NOMO1: variants seen among roughly 807,000 people sequenced by gnomAD.
The protein encoded by NOMO1 is NODAL modulator 1.
Under a neutral mutation model 133.8 loss-of-function variants are expected in NOMO1, and 40 were observed. The ratio of observed to expected loss-of-function variants is 0.30; its 90% CI spans 0.23 to 0.39. The LOEUF is 0.39. Ranked by LOEUF, NOMO1 falls within the 10% of genes least tolerant of loss-of-function variation. The pLI is 1.00. For missense variants in NOMO1, 462 were observed against 1,419.9 expected, an observed-to-expected ratio of 0.33 and a Z score of 10.84; for synonymous variants, 236 against 570.5, an observed-to-expected ratio of 0.41 and a Z score of 8.36.
chr16:14,859,592 A>G (rs1375431626), intron 11 of NOMO1, among the ~76,000 whole-genome samples: 1 of 152,018 alleles, frequency 6.6e-6, no homozygotes, highest in African/African-American at 2.4e-5. Flanking sequence ...AGGTGGGCGG[A>G]TCGATTGAGC....
At chr16:14,880,673 C>T (rs1292070969) in intron 24 of NOMO1, among the ~76,000 whole-genome samples, 2 of 152,074 alleles carry the variant, frequency 1.3e-5, no homozygotes, top group East Asian at 1.9e-4. Context: ...TGAGCCACCG[C>T]GCCTGGCCAC....
At chr16:14,873,788 T>C (rs1199030971) in intron 18 of NOMO1, among the ~76,000 whole-genome samples, 4 of 151,818 alleles carry the variant, frequency 2.6e-5, no homozygotes, top group African/African-American at 9.7e-5. Flanking sequence ...GCCACTCGGA[T>C]TCCCCCTGGG....
intron 27 of NOMO1, 107 bp from the exon 28 acceptor site, chr16:14,886,654 G>T: frequency 6.3e-7 from 1 of 1,590,110 alleles, no homozygotes; most frequent in Non-Finnish European, 8.6e-7. Context: ...AAATATCCAT[G>T]TTTCCAAAGA....
At chr16:14,864,145 CTTA>C (rs1567542185) in intron 12 of NOMO1, among the ~76,000 whole-genome samples, 2 of 136,712 alleles carry the variant, frequency 1.5e-5, no homozygotes, top group African/African-American at 5.9e-5. Context: ...TGTTCCTCTT[CTTA>C]GCCCATGAAA....
intron 5 of NOMO1, 74 bp downstream of exon 5, chr16:14,846,757 G>C (rs1056096030): frequency 6.7e-7 from 1 of 1,483,052 alleles, no homozygotes; most frequent in Non-Finnish European, 9.3e-7. Flanking sequence ...GGGTTTGGGA[G>C]TTTGGATTCA....
In NOMO1 at chr16:14,843,138, C is replaced by T. The variant is rs1187391496; in HGVS notation, c.302-1536C>T. ...TCATCATGTTGACCCAGGCTGGTCT[C>T]GAACTCCTGACCTCAAGTGATCTGC... is the stretch of plus-strand genomic sequence containing the variant. On this transcript the variant is annotated intron_variant, in intron 3 of 30. Coordinates refer to ENST00000287667, the MANE Select transcript of NOMO1 (RefSeq NM_014287.4). 2.8e-3 allele frequency among the ~76,000 whole-genome samples: 371 copies of T among 132,008 alleles called. 1 individual carries two copies. The highest frequency in any genetic ancestry group is 0.01 in the African/African-American group (359 of 34,408). The allele number at this position is 132,008 out of a possible 152,430, so 86.6% of individuals were successfully genotyped here.
intron 28 of NOMO1, among the ~76,000 whole-genome samples, chr16:14,887,418 G>A (rs1399341138): frequency 6.6e-5 from 10 of 151,230 alleles, no homozygotes; most frequent in South Asian, 2.1e-4. Context: ...CTCAGCCTCC[G>A]AAGTAGCTGG....
intron 23 of NOMO1, among the ~76,000 whole-genome samples, chr16:14,879,626 TCC>T (rs1350768010): frequency 1.4e-5 from 2 of 139,312 alleles, no homozygotes; most frequent in Non-Finnish European, 3.1e-5. Flanking sequence ...ATGCCTGTGG[TCC>T]CAGGTACTCA....
chr16:14,857,462 TTGTTTTTGGCTTATCTTC>T (rs1158504291), intron 10 of NOMO1, 25 bp from the exon 11 acceptor site: 1 of 1,607,450 alleles, frequency 6.2e-7, no homozygotes, highest in Non-Finnish European at 8.5e-7. Context: ...GGATACACTG[TTGTTTTTGGCTTATCTTC>T]TGTTTGTGTG....
chr16:14,875,098 G>A lies in NOMO1; in HGVS notation c.2117G>A (p.Arg706Gln), dbSNP rs775158606. 1.7e-5 allele frequency: 27 copies of A among 1,613,756 alleles called. No individual in the cohort carries two copies. The highest frequency in any genetic ancestry group is 1.7e-4 in the Middle Eastern group (1 of 6,056). ...CCTCTGAAGTCTGTGCAGGAGCTGC[G>A]GAGGGAGCAGCAGCTGGCTGAGATC... ...LGPLKSVQEL[R>Q]REQQLAEIEA... Residue 706 changes from arginine (R) to glutamine (Q), a missense_variant, in exon 19 of 31, where the codon CGG becomes CAG. Transcript: ENST00000287667.
Position 14,863,079 on chromosome 16 carries a change from CAAA to C in NOMO1, c.1288_1290del (p.Lys430del), listed in dbSNP as rs1963943704. 6.2e-7 allele frequency: 1 copy of C among 1,610,274 alleles called. No homozygotes were observed. Among genetic ancestry groups the C allele is most frequent in the South Asian group, 1.1e-5 (1 of 90,884 alleles). ...ACACCGTCAAGCAGATGAATAAATA[CAAA>C]GTTGTCCTGTCATCTCAAGACAAGG... is the stretch of plus-strand genomic sequence containing the variant. On this transcript the variant is annotated inframe_deletion, in exon 12 of 31. Coordinates refer to ENST00000287667, the MANE Select transcript of NOMO1 (RefSeq NM_014287.4).
At chr16:14,879,059 C>G (rs1193001675) in intron 23 of NOMO1, among the ~76,000 whole-genome samples, 1 of 151,890 alleles carries the variant, frequency 6.6e-6, no homozygotes, top group East Asian at 1.9e-4. Context: ...TGATCACCCA[C>G]TTGTCACTAA....
chr16:14,884,846 G>A (rs1964298757), intron 27 of NOMO1, among the ~76,000 whole-genome samples: 1 of 152,048 alleles, frequency 6.6e-6, no homozygotes, highest in Admixed American at 6.5e-5. Context: ...TCTCTGGAGT[G>A]GAGGTCGTAT....
At chr16:14,878,021 G>A (rs1418825580) in intron 22 of NOMO1, among the ~76,000 whole-genome samples, 1 of 149,066 alleles carries the variant, frequency 6.7e-6, no homozygotes, top group East Asian at 2.0e-4. Flanking sequence ...CTATGCAGTA[G>A]TTAAGAAACA....
At chr16:14,887,820 C>T (rs1478404629) in intron 28 of NOMO1, among the ~76,000 whole-genome samples, 2 of 151,902 alleles carry the variant, frequency 1.3e-5, no homozygotes, top group African/African-American at 4.8e-5. Context: ...ATACAGTTTC[C>T]TCATGATGGG....
Position 14,886,767 on chromosome 16 carries a change from C to A in NOMO1, c.3229C>A (p.Leu1077Ile). The A allele has an allele frequency of 2.5e-6, 4 of 1,611,404 alleles. No individual in the cohort carries two copies. In the South Asian group the frequency reaches 4.4e-5, roughly 18 times the overall value. Reference protein sequence around the residue: ...SEYLPTLWVKLYKSENLDNPI... With the variant: ...SEYLPTLWVKIYKSENLDNPI... ...ACTTTGTTTCTCCCTCCAGGTCAAG[C>A]TTTACAAAAGCGAAAACCTCGACAA... Residue 1077 changes from leucine to isoleucine, a missense_variant, in exon 28 of 31, where the codon CTT becomes ATT. Transcript: ENST00000287667.
intron 2 of NOMO1, among the ~76,000 whole-genome samples, chr16:14,839,769 T>C (rs1439631032): frequency 2.6e-5 from 4 of 151,218 alleles, no homozygotes; most frequent in Non-Finnish European, 4.4e-5. Flanking sequence ...TGAGACAGAG[T>C]GTCACTCTGT....
chr16:14,882,535 A>G, intron 25 of NOMO1, 59 bp from the exon 26 acceptor site: 5 of 1,611,096 alleles, frequency 3.1e-6, no homozygotes, highest in Non-Finnish European at 4.2e-6. Context: ...CCAGGCTTGG[A>G]CCAGGCACGA....
chr16:14,855,488 G>C (rs1435764332), intron 9 of NOMO1, among the ~76,000 whole-genome samples: 2 of 151,818 alleles, frequency 1.3e-5, no homozygotes, highest in African/African-American at 4.9e-5. Context: ...ACATTTGAAA[G>C]TACTGTGTTA....
Sources: gnomAD v4.1 joint callset for allele counts (sites outside exome capture counted in the v4.1 genomes callset) on GRCh38, gnomAD v4.1.1 for gene constraint, MANE v1.5 for transcripts, NCBI Gene and HGNC (gene_info 2026-07-23, HGNC 2026-07-21) for gene names.